CSMD3: variants seen among roughly 807,000 people sequenced by gnomAD.
CSMD3 encodes the protein CUB and sushi domain-containing protein 3.
A neutral mutation model predicts 435.2 loss-of-function variants in CSMD3; 177 were observed. The ratio of observed to expected loss-of-function variants is 0.41; its 90% CI spans 0.36 to 0.46. The LOEUF (loss-of-function observed/expected upper bound fraction) is 0.46. Ranked by LOEUF, CSMD3 falls within the 20% of genes least tolerant of loss-of-function variation. The pLI is 0.34. For synonymous variants in CSMD3, 1,656 were observed against 1,520.5 expected (o/e 1.09, Z -2.07); for missense variants, 4,265 against 4,504.6 (o/e 0.95, Z 1.52).
chr8:112,716,301 A>G (rs769230419), intron 13 of CSMD3, among the ~76,000 whole-genome samples: 2 of 152,084 alleles, frequency 1.3e-5, no homozygotes, highest in Non-Finnish European at 2.9e-5. Flanking sequence ...GAGAGCCACA[A>G]CATGAATAAA....
intron 3 of CSMD3, among the ~76,000 whole-genome samples, chr8:113,270,585 A>G (rs145256102): frequency 0.03 from 4,507 of 152,236 alleles, 87 homozygotes; most frequent in Admixed American, 0.04. Flanking sequence ...CAAATGTCCA[A>G]CAATGATAGA....
chr8:113,190,858 A>G (rs2092574484), intron 3 of CSMD3, among the ~76,000 whole-genome samples: 1 of 151,692 alleles, frequency 6.6e-6, no homozygotes, highest in Non-Finnish European at 1.5e-5. Flanking sequence ...GACATTAACA[A>G]TTTCCTGTCT....
chr8:112,771,552 G>T (rs1262249233), intron 13 of CSMD3, among the ~76,000 whole-genome samples: 1 of 151,206 alleles, frequency 6.6e-6, no homozygotes, highest in African/African-American at 2.4e-5. Context: ...AAAAGAAAAA[G>T]AAAAAGAAAA....
chr8:112,272,753 A>T (rs1174877907), intron 59 of CSMD3, among the ~76,000 whole-genome samples: 1 of 152,174 alleles, frequency 6.6e-6, no homozygotes, highest in South Asian at 2.1e-4. Flanking sequence ...TGAAGCACTG[A>T]TTCTAATTTA....
chr8:112,899,599 TTATATATATATATATATATATA>T (rs71309794), intron 10 of CSMD3, among the ~76,000 whole-genome samples: 1 of 100,026 alleles, frequency 1.0e-5, no homozygotes, highest in Non-Finnish European at 2.0e-5. Flanking sequence ...CTTGTCTATT[TTATATATATATATATATATATA>T]TATATATATA....
chr8:112,376,826 T>G (rs946358997), intron 38 of CSMD3, among the ~76,000 whole-genome samples: 2 of 152,190 alleles, frequency 1.3e-5, no homozygotes, highest in African/African-American at 4.8e-5. Context: ...GGATCTATAC[T>G]CAGTGTTAAA....
chr8:112,726,766 T>C (rs1253199552), intron 13 of CSMD3, among the ~76,000 whole-genome samples: 1 of 151,860 alleles, frequency 6.6e-6, no homozygotes, highest in African/African-American at 2.4e-5. Context: ...CCAAATACTA[T>C]AGATGCGTCA....
chr8:113,299,010 C>T (rs1228069065), intron 2 of CSMD3, among the ~76,000 whole-genome samples: 1 of 152,068 alleles, frequency 6.6e-6, no homozygotes, highest in Non-Finnish European at 1.5e-5. Context: ...CTAACAGAGA[C>T]AGAAAAATGT....
At chr8:113,329,366 A>G (rs568872046) in intron 1 of CSMD3, among the ~76,000 whole-genome samples, 1 of 152,254 alleles carries the variant, frequency 6.6e-6, no homozygotes, top group African/African-American at 2.4e-5. Context: ...AAAATTCACT[A>G]AAGGAATTAA....
chr8:113,096,289 A>G (rs1376967636), intron 5 of CSMD3, among the ~76,000 whole-genome samples: 1 of 152,130 alleles, frequency 6.6e-6, no homozygotes, highest in Non-Finnish European at 1.5e-5. Context: ...GTTAACTTAA[A>G]TTGTATTTGC....
intron 1 of CSMD3, among the ~76,000 whole-genome samples, chr8:113,430,849 A>G (rs1446872490): frequency 1.3e-5 from 2 of 152,218 alleles, no homozygotes; most frequent in Non-Finnish European, 2.9e-5. Context: ...GCAACGAATT[A>G]TCACTATATA....
At chr8:113,383,983 A>G (rs2094428750) in intron 1 of CSMD3, among the ~76,000 whole-genome samples, 1 of 152,162 alleles carries the variant, frequency 6.6e-6, no homozygotes, top group South Asian at 2.1e-4. Flanking sequence ...ATTTAAGATT[A>G]ACTACATTAT....
At chr8:112,544,166 A>G (rs746062713) in intron 27 of CSMD3, among the ~76,000 whole-genome samples, 1 of 152,148 alleles carries the variant, frequency 6.6e-6, no homozygotes, top group Non-Finnish European at 1.5e-5. Context: ...TGTACCTATA[A>G]CCAAAATAAT....
chr8:112,712,821 T>C (rs1484174686), intron 13 of CSMD3, among the ~76,000 whole-genome samples: 3 of 149,922 alleles, frequency 2.0e-5, no homozygotes. Context: ...GAGCCTGAAG[T>C]TTCTCTCATG....
chr8:112,260,236 A>C (rs1420854), intron 61 of CSMD3, among the ~76,000 whole-genome samples: 101,574 of 152,020 alleles, frequency 0.67, 35,741 homozygotes, highest in African/African-American at 0.89. Context: ...TTTCTTAAGT[A>C]TACCTTCTCT....
At chr8:113,032,590 T>G (rs2131247465) in intron 5 of CSMD3, among the ~76,000 whole-genome samples, 1 of 151,646 alleles carries the variant, frequency 6.6e-6, no homozygotes, top group East Asian at 1.9e-4. Flanking sequence ...AAAGAGATGG[T>G]TTGAAATTGG....
chr8:112,524,463 T>C (rs577998672), intron 27 of CSMD3, among the ~76,000 whole-genome samples: 47 of 152,212 alleles, frequency 3.1e-4, no homozygotes, highest in African/African-American at 1.1e-3. Context: ...TCAGATTCGT[T>C]AAATATTTAC....
chr8:112,307,133 T>G lies in CSMD3; in HGVS notation c.7886-941A>C, dbSNP rs189367240. Among the ~76,000 whole-genome samples the G allele has an allele frequency of 2.3e-3, 344 of 150,184 alleles. 1 individual carries two copies. The highest frequency in any genetic ancestry group is 7.0e-3 in the African/African-American group (285 of 40,886). ...TTAAAGTCAGGTTTTTTGTTTTTTG[T>G]TTTTTTTTGAGACAGGAGTCTCAAT... On this transcript the variant is annotated intron_variant, in intron 50 of 70. Transcript: ENST00000297405.
In CSMD3 at chr8:113,259,686, A is replaced by G. The variant is rs150163430; in HGVS notation, c.514+18906T>C. Among the ~76,000 whole-genome samples, 1,352 of 152,262 alleles carry G rather than the reference A, an allele frequency of 8.9e-3. 9 individuals are homozygous for G. The highest frequency in any genetic ancestry group is 0.015 in the Non-Finnish European group (998 of 68,004). On this transcript the variant is annotated intron_variant, in intron 3 of 70. Coordinates refer to ENST00000297405, the MANE Select transcript of CSMD3 (RefSeq NM_198123.2). Reference sequence around the variant, plus strand: ...AATAAAGATATATAAGGAGAAAATTAAAAAATGGGGCATCCTGGGAGGGAA... The same window carrying G: ...AATAAAGATATATAAGGAGAAAATTGAAAAATGGGGCATCCTGGGAGGGAA...
Sources: gnomAD v4.1 joint callset for allele counts (sites outside exome capture counted in the v4.1 genomes callset) on GRCh38, gnomAD v4.1.1 for gene constraint, MANE v1.5 for transcripts, NCBI Gene and HGNC (gene_info 2026-07-23, HGNC 2026-07-21) for gene names.